CACNA2D3: variants seen among roughly 807,000 people sequenced by gnomAD.
CACNA2D3 encodes voltage-dependent calcium channel subunit alpha-2/delta-3.
In CACNA2D3, 60 loss-of-function variants were observed where a neutral mutation model predicts 160.6. The observed-to-expected ratio is 0.37, with a 90% confidence interval of 0.30 to 0.46. CACNA2D3 has a LOEUF of 0.46. Among genes scored for constraint, CACNA2D3 ranks in the 20% least tolerant of loss-of-function variants. The probability of loss-of-function intolerance (pLI) is 1.00; values close to 1 mark genes in which losing one functional copy is unlikely to be tolerated. For synonymous variants in CACNA2D3, 558 were observed against 492.9 expected, an observed-to-expected ratio of 1.13 and a Z score of -1.75; for missense variants, 1,205 against 1,365.0, an observed-to-expected ratio of 0.88 and a Z score of 1.85.
chr3:54,147,416 C>T (rs1249311079), intron 2 of CACNA2D3, among the ~76,000 whole-genome samples: 2 of 152,260 alleles, frequency 1.3e-5, no homozygotes, highest in African/African-American at 2.4e-5. Context: ...GAGAATTTCC[C>T]ACTAATCTCT....
rs529167130 is a variant in CACNA2D3 at position 54,378,302 on chromosome 3, C to T, written c.322-8413C>T. The stretch of plus-strand genomic sequence containing the variant: ...TAGATTCTCTTAAGGAGCGTGCAGC[C>T]TGGATCCCTTGCATGCGCAGTTCAC... On this transcript the variant is annotated intron_variant, in intron 3 of 37. Transcript: ENST00000474759. Among the ~76,000 whole-genome samples the T allele has an allele frequency of 2.0e-5, 3 of 152,328 alleles. No individual in the cohort carries two copies. In the East Asian group the frequency reaches 5.8e-4, roughly 29 times the overall value.
Position 54,821,680 on chromosome 3 carries a change from CTTTCTTTCTTTCTTTCT to C in CACNA2D3, c.1398+4813_1398+4829del, listed in dbSNP as rs1559594924. ...TCTTTCTTTCTTTCTTTCTTTCTTT[CTTTCTTTCTTTCTTTCT>C]TTCCTTCCTTCCTTCTTTCCTCTCT... On this transcript the variant is annotated intron_variant, in intron 14 of 37. Transcript: ENST00000474759. 8.1e-3 allele frequency among the ~76,000 whole-genome samples: 1,056 copies of C among 130,030 alleles called. 16 individuals carry two copies. Among genetic ancestry groups the C allele is most frequent in the African/African-American group, 0.027 (965 of 35,656 alleles). 85.3% of individuals were successfully genotyped at this position (130,030 alleles called of 152,430 possible). A position where few individuals can be genotyped will look rare whatever the true frequency, so the allele number is the denominator to read the frequency against.
At position 54,899,781 on chromosome 3, in the gene CACNA2D3, T is replaced by G; in HGVS notation, c.2369-7T>G. On this transcript the variant is annotated splice_polypyrimidine_tract_variant and splice_region_variant and intron_variant, in intron 26 of 37. Coordinates refer to ENST00000474759, the MANE Select transcript of CACNA2D3 (RefSeq NM_018398.3). ...CATTTTTGTTGTGGTGTTTTTTCTT[T>G]TCACAGGACCAGTCAATAAAAGCAA... 6.2e-7 allele frequency: 1 copy of G among 1,600,970 alleles called. No individual in the cohort carries two copies. Among genetic ancestry groups the G allele is most frequent in the Non-Finnish European group, 8.5e-7 (1 of 1,172,008 alleles).
chr3:54,676,440 T>G (rs6784130), intron 11 of CACNA2D3, among the ~76,000 whole-genome samples: 37,847 of 152,070 alleles, frequency 0.25, 5,060 homozygotes, highest in African/African-American at 0.29. Context: ...GGTACCTGGG[T>G]ACTGTTGCGT....
intron 2 of CACNA2D3, among the ~76,000 whole-genome samples, chr3:54,250,927 G>T (rs1336037252): frequency 6.6e-6 from 1 of 152,044 alleles, no homozygotes; most frequent in Non-Finnish European, 1.5e-5. Flanking sequence ...TTCAGGGAAG[G>T]TAGCATTTAA....
intron 13 of CACNA2D3, among the ~76,000 whole-genome samples, chr3:54,774,636 T>A (rs1447041116): frequency 7.8e-6 from 1 of 127,772 alleles, no homozygotes; most frequent in African/African-American, 2.8e-5. Flanking sequence ...ACTATTTTTT[T>A]TTTTTTTTTT....
At chr3:54,130,855 G>T (rs192469456) in intron 2 of CACNA2D3, among the ~76,000 whole-genome samples, 2 of 152,356 alleles carry the variant, frequency 1.3e-5, no homozygotes, top group Admixed American at 1.3e-4. Context: ...TAACAGCTGA[G>T]AGGGCATAGC....
chr3:54,692,055 A>T (rs988711328), intron 11 of CACNA2D3, among the ~76,000 whole-genome samples: 2 of 151,958 alleles, frequency 1.3e-5, no homozygotes, highest in South Asian at 4.2e-4. Flanking sequence ...GCTCACTGCA[A>T]CCTCGCCTCC....
intron 27 of CACNA2D3, among the ~76,000 whole-genome samples, chr3:54,960,792 A>G (rs958360089): frequency 2.0e-5 from 3 of 152,130 alleles, no homozygotes; most frequent in Admixed American, 6.5e-5. Flanking sequence ...CCATCATGCA[A>G]TTCATTAACA....
chr3:54,661,659 A>C (rs953851339), intron 11 of CACNA2D3, among the ~76,000 whole-genome samples: 1 of 152,178 alleles, frequency 6.6e-6, no homozygotes, highest in African/African-American at 2.4e-5. Flanking sequence ...GGTGGGGTGC[A>C]GATGCTGGGG....
chr3:54,616,610 C>G (rs1379996117), intron 9 of CACNA2D3, among the ~76,000 whole-genome samples: 2 of 152,192 alleles, frequency 1.3e-5, no homozygotes, highest in Non-Finnish European at 2.9e-5. Context: ...ATTTTGGAGG[C>G]TGGCTGCCAA....
At chr3:54,472,500 A>T (rs964707657) in intron 4 of CACNA2D3, among the ~76,000 whole-genome samples, 3 of 151,888 alleles carry the variant, frequency 2.0e-5, no homozygotes, top group African/African-American at 4.8e-5. Context: ...CTCTCTCACC[A>T]CTCCTATTCA....
chr3:54,262,496 T>C (rs770909726), intron 2 of CACNA2D3, among the ~76,000 whole-genome samples: 27 of 152,324 alleles, frequency 1.8e-4, no homozygotes, highest in Non-Finnish European at 3.8e-4. Context: ...ACTCAGACTT[T>C]GGGAGTTTTT....
chr3:55,040,677 C>T (rs936538827), intron 35 of CACNA2D3, among the ~76,000 whole-genome samples: 24 of 152,064 alleles, frequency 1.6e-4, no homozygotes, highest in African/African-American at 4.8e-4. Context: ...ATAGTGAGAC[C>T]TCATCTCTAA....
chr3:54,416,192 A>C (rs1459734371), intron 4 of CACNA2D3, among the ~76,000 whole-genome samples: 1 of 152,226 alleles, frequency 6.6e-6, no homozygotes, highest in Non-Finnish European at 1.5e-5. Context: ...AGTTGTTGAC[A>C]CTTGCGTGTT....
At position 54,459,913 on chromosome 3, in the gene CACNA2D3, A is replaced by G. The variant is rs550464083; in HGVS notation, c.382-43579A>G. On this transcript the variant is annotated intron_variant, in intron 4 of 37. Coordinates refer to ENST00000474759, the MANE Select transcript of CACNA2D3 (RefSeq NM_018398.3). Reference sequence around the variant, plus strand: ...GGGTTTTTATGGTTTTAGGTCTAACATTTAAGTCTTTAATCCATCTTGAAT... The same window carrying G: ...GGGTTTTTATGGTTTTAGGTCTAACGTTTAAGTCTTTAATCCATCTTGAAT... 8.4e-4 allele frequency among the ~76,000 whole-genome samples: 128 copies of G among 152,260 alleles called. 1 individual carries two copies. The Middle Eastern group carries it at 0.031, about 36-fold the overall frequency.
intron 4 of CACNA2D3, among the ~76,000 whole-genome samples, chr3:54,502,141 T>G (rs1435066430): frequency 6.6e-6 from 1 of 152,230 alleles, no homozygotes; most frequent in African/African-American, 2.4e-5. Flanking sequence ...GTGTTCAGTG[T>G]TCTCTCAACT....
intron 11 of CACNA2D3, among the ~76,000 whole-genome samples, chr3:54,682,993 T>C (rs1280523222): frequency 1.3e-5 from 2 of 152,176 alleles, no homozygotes; most frequent in Non-Finnish European, 2.9e-5. Context: ...AAGCAAAAAT[T>C]GGATCTTGGT....
chr3:54,849,600 C>T (rs988145882), intron 17 of CACNA2D3, among the ~76,000 whole-genome samples: 1 of 152,214 alleles, frequency 6.6e-6, no homozygotes, highest in African/African-American at 2.4e-5. Context: ...CAGCCAGCTG[C>T]TAGCAGCTTC....
Sources: allele counts gnomAD v4.1 joint callset (sites outside exome capture counted in the v4.1 genomes callset), GRCh38; gene constraint gnomAD v4.1.1; transcripts MANE v1.5; gene names NCBI Gene and HGNC (gene_info 2026-07-23, HGNC 2026-07-21).